USP1: variants seen among roughly 807,000 people sequenced by gnomAD.
The protein encoded by USP1 is ubiquitin carboxyl-terminal hydrolase 1.
In USP1, 18 loss-of-function variants were observed where a neutral mutation model predicts 72.2. The ratio of observed to expected loss-of-function variants is 0.25; its 90% confidence interval spans 0.17 to 0.37. The LOEUF is 0.37. USP1 is among the 10% of genes least tolerant of loss of function. The pLI is 1.00. For missense variants in USP1, 759 were observed against 884.9 expected (o/e 0.86, Z 1.81); for synonymous variants, 354 against 303.7 (o/e 1.17, Z -1.72).
intron 5 of USP1, 131 bp from the exon 6 acceptor site, chr1:62,444,604 GTGC>G (rs1645156964): frequency 1.4e-6 from 1 of 690,860 alleles, no homozygotes; most frequent in African/African-American, 1.9e-5. Context: ...TTCCAAATTA[GTGC>G]TGAATAAATG....
At position 62,441,551 on chromosome 1, in the gene USP1, A is replaced by G. The variant is rs753043669; in HGVS notation, c.234A>G (p.Leu78=). The G allele has an allele frequency of 5.6e-6, 9 of 1,613,716 alleles. No individual in the cohort carries two copies. The Middle Eastern group carries it at 6.6e-4, about 118-fold the overall frequency. ...ACTGTGAGAAGAGAGAAAACTTGTTACCATTTGTGGGACTGAATAATCTCG... is the reference window on the plus strand; with the variant it reads ...ACTGTGAGAAGAGAGAAAACTTGTTGCCATTTGTGGGACTGAATAATCTCG... The part of the protein sequence containing the change: ...PINCEKRENL[L]PFVGLNNLGN... Residue 78 remains leucine, a synonymous_variant, in exon 3 of 9, where the codon TTA becomes TTG. Coordinates refer to ENST00000339950, the MANE Select transcript of USP1 (RefSeq NM_003368.5).
chr1:62,448,948 C>T (rs1001300706), intron 8 of USP1, among the ~76,000 whole-genome samples: 1 of 152,014 alleles, frequency 6.6e-6, no homozygotes, highest in Non-Finnish European at 1.5e-5. Flanking sequence ...AGTGGCACAG[C>T]CTCAGCTCAC....
chr1:62,441,946 G>C (rs1045692010), intron 3 of USP1, among the ~76,000 whole-genome samples: 1 of 152,086 alleles, frequency 6.6e-6, no homozygotes, highest in Non-Finnish European at 1.5e-5. Flanking sequence ...GTCCGTTGGC[G>C]CTGTGTTGTG....
At chr1:62,445,824 C>G (rs1205075510) in intron 6 of USP1, among the ~76,000 whole-genome samples, 2 of 151,974 alleles carry the variant, frequency 1.3e-5, no homozygotes, top group African/African-American at 4.8e-5. Context: ...ACTAAAAATG[C>G]AAAAATTAGC....
rs1645213361 is a variant in USP1, at chr1:62,451,063, C to G, written c.*82C>G. 3 of 1,355,418 alleles carry G rather than the reference C, an allele frequency of 2.2e-6. No individual in the cohort carries two copies. The Admixed American group carries it at 7.9e-5, about 36-fold the overall frequency. The allele number at this position is 1,355,418 out of a possible 1,614,324, so 84.0% of individuals were successfully genotyped here. Reference sequence around the variant, plus strand: ...GTTGATTACATCAAAGAATCTTTAGCTTATCTTTTGAAGCTACTGGATATT... The same window carrying G: ...GTTGATTACATCAAAGAATCTTTAGGTTATCTTTTGAAGCTACTGGATATT... On this transcript the variant is annotated 3_prime_UTR_variant, in exon 9 of 9. Transcript: ENST00000339950.
rs1471312388 is a variant in USP1 at position 62,447,396 on chromosome 1, A to G, written c.1305A>G (p.Val435=). 1.2e-6 allele frequency: 2 copies of G among 1,614,088 alleles called. No homozygotes were observed. The highest frequency in any genetic ancestry group is 2.2e-5 in the East Asian group (1 of 44,860). ...AGAAATTATTTCAAGGTCAGCTGGT[A>G]TTAAGGACGCGTTGCTTGGAATGTG... is the stretch of plus-strand genomic sequence containing the variant. ...LVEKLFQGQL[V]LRTRCLECES... is the part of the protein sequence containing the mutation. Residue 435 remains valine (V), a synonymous_variant, in exon 7 of 9, where the codon GTA becomes GTG. Transcript: ENST00000339950.
chr1:62,450,542 A>G lies in USP1; in HGVS notation c.1919A>G (p.Asn640Ser). The change falls in exon 9 of 9, where the codon AAT becomes AGT. Residue 640 changes from asparagine (N) to serine (S), a missense_variant. Asn to Ser is a conservative substitution (Grantham distance 46). This residue lies in a region of USP1 where 159 missense variants were observed against 140.9 expected (regional missense o/e 1.13). Coordinates refer to ENST00000339950, the MANE Select transcript of USP1 (RefSeq NM_003368.5). Reference protein sequence around the residue: ...EEARGVVENYNDEEVSIRVGG... With the variant: ...EEARGVVENYSDEEVSIRVGG... ...GCAAGGGGTGTGGTTGAGAATTATA[A>G]TGATGAAGAAGTGTCAATTAGAGTT... is the stretch of plus-strand genomic sequence containing the variant. 2 of 1,613,974 alleles carry G rather than the reference A, an allele frequency of 1.2e-6. No individual in the cohort carries two copies. Among genetic ancestry groups the G allele is most frequent in the Middle Eastern group, 1.7e-4 (1 of 6,058 alleles).
chr1:62,438,624 C>T (rs12029068), intron 1 of USP1, among the ~76,000 whole-genome samples: 63,656 of 151,988 alleles, frequency 0.42, 15,053 homozygotes, highest in African/African-American at 0.65. Context: ...TATGGTAATA[C>T]TCTAGTCAGA....
intron 4 of USP1, 37 bp from the exon 5 acceptor site, chr1:62,443,122 C>T (rs1432475026): frequency 1.3e-6 from 2 of 1,584,786 alleles, no homozygotes; most frequent in Non-Finnish European, 1.7e-6. Context: ...TTAATTTGTT[C>T]ATAAAATTAT....
chr1:62,439,006 G>A lies in USP1; in HGVS notation c.-69-793G>A, dbSNP rs1645113319. ...TTGAATGCAAATTATTCTTTAATAA[G>A]CTTTTTAGGTACTTTATTTTCATAT... On this transcript the variant is annotated intron_variant, in intron 1 of 8. Transcript: ENST00000339950. Among the ~76,000 whole-genome samples, 4 of 152,130 alleles carry A rather than the reference G, an allele frequency of 2.6e-5. No individual in the cohort carries two copies. In the South Asian group the frequency reaches 8.3e-4, roughly 32 times the overall value.
At position 62,451,206 on chromosome 1, in the gene USP1, A is replaced by G. The variant is rs1571142510; in HGVS notation, c.*225A>G. 2 of 388,770 alleles carry G rather than the reference A, an allele frequency of 5.1e-6. No individual in the cohort carries two copies. Among genetic ancestry groups the G allele is most frequent in the East Asian group, 4.2e-5 (1 of 23,686 alleles). The allele number at this position is 388,770 out of a possible 1,614,324, so 24.1% of individuals were successfully genotyped here. A position where few individuals can be genotyped will look rare whatever the true frequency, so the allele number is the denominator to read the frequency against. On this transcript the variant is annotated 3_prime_UTR_variant, in exon 9 of 9. Coordinates refer to ENST00000339950, the MANE Select transcript of USP1 (RefSeq NM_003368.5). ...GTGATGCATTAGCTTCTGGGAACAA[A>G]CTTGTATCGGTTCTTAATTAAATTA...
In USP1 at chr1:62,447,497, A is replaced by G. The variant is rs774825659; in HGVS notation, c.1406A>G (p.Glu469Gly). Reference sequence around the variant, plus strand: ...CAAGAAGATGAGCTTTCCAAAGTAGAGGAGAGTTCTGAAAGTAAGCAAAAT... The same window carrying G: ...CAAGAAGATGAGCTTTCCAAAGTAGGGGAGAGTTCTGAAAGTAAGCAAAAT... ...PVQEDELSKVEESSEISPEPK... is the reference protein window; with the variant it reads ...PVQEDELSKVGESSEISPEPK... Residue 469 changes from glutamate (E) to glycine (G), a missense_variant, in exon 7 of 9, where the codon GAG becomes GGG. Coordinates refer to ENST00000339950, the MANE Select transcript of USP1 (RefSeq NM_003368.5). 3.7e-6 allele frequency: 6 copies of G among 1,612,728 alleles called. No individual in the cohort carries two copies. The South Asian group carries it at 6.6e-5, about 18-fold the overall frequency.
Position 62,441,479 on chromosome 1 carries a change from A to G in USP1, c.171-9A>G, listed in dbSNP as rs373882162. 2 of 1,598,018 alleles carry G rather than the reference A, an allele frequency of 1.3e-6. No individual in the cohort carries two copies. Among genetic ancestry groups the G allele is most frequent in the Non-Finnish European group, 1.7e-6 (2 of 1,174,966 alleles). On this transcript the variant is annotated splice_polypyrimidine_tract_variant and intron_variant, in intron 2 of 8. Coordinates refer to ENST00000339950, the MANE Select transcript of USP1 (RefSeq NM_003368.5). ...AACTACTTATCGTTCTCCCTTCTATATTTCATAGTGATCAAGTTGTTCCTG... is the reference window on the plus strand; with the variant it reads ...AACTACTTATCGTTCTCCCTTCTATGTTTCATAGTGATCAAGTTGTTCCTG...
At chr1:62,439,655 T>C (rs1645118582) in intron 1 of USP1, 144 bp from the exon 2 acceptor site, 1 of 415,694 alleles carries the variant, frequency 2.4e-6, no homozygotes, top group Non-Finnish European at 4.2e-6. Flanking sequence ...CAATAAATAT[T>C]GAGTGCTTAT....
chr1:62,450,913 C>A lies in USP1; in HGVS notation c.2290C>A (p.Leu764Met). The A allele has an allele frequency of 1.2e-6, 2 of 1,613,550 alleles. No individual in the cohort carries two copies. The highest frequency in any genetic ancestry group is 1.7e-6 in the Non-Finnish European group (2 of 1,179,830). Residue 764 changes from leucine (L) to methionine (M), a missense_variant, in exon 9 of 9, where the codon CTG becomes ATG. Physicochemically the swap from Leu to Met is conservative, Grantham distance 15. This residue lies in a region of USP1 where 22 missense variants were observed against 23.4 expected (regional missense o/e 0.94). Transcript: ENST00000339950. ...CAAAGTTACTGAAGAGAAGGACTTT[C>A]TGAATTCTCTTTCCCCTTCTACATC... ...EVKVTEEKDF[L>M]NSLSPSTSPT...
chr1:62,443,443 C>T, intron 5 of USP1, 124 bp downstream of exon 5: 1 of 988,056 alleles, frequency 1.0e-6, no homozygotes, highest in Non-Finnish European at 1.4e-6. Context: ...GTCCACAGTC[C>T]TTTATATCCC....
At position 62,440,711 on chromosome 1, in the gene USP1, TTTTG is replaced by T. The variant is rs760350663; in HGVS notation, c.170+678_170+681del. 2.0e-4 allele frequency among the ~76,000 whole-genome samples: 30 copies of T among 152,306 alleles called. No individual in the cohort carries two copies. The East Asian group carries it at 4.8e-3, about 25-fold the overall frequency. On this transcript the variant is annotated intron_variant, in intron 2 of 8. Coordinates refer to ENST00000339950, the MANE Select transcript of USP1 (RefSeq NM_003368.5). ...TTGAGGAGATTTGTGAGAGTGAAGC[TTTTG>T]TTTATCAGCATTCATACTTCTGAAT...
intron 8 of USP1, among the ~76,000 whole-genome samples, chr1:62,449,767 T>G (rs1645200708): frequency 6.6e-6 from 1 of 151,672 alleles, no homozygotes; most frequent in Non-Finnish European, 1.5e-5. Context: ...CACAAACTAG[T>G]TTGGCGTGGT....
upstream of USP1, chr1:62,437,031 G>T (rs530890312): frequency 5.1e-4 from 202 of 398,362 alleles, no homozygotes; most frequent in Non-Finnish European, 7.7e-4. Context: ...GCTAAAACAC[G>T]GGGGTCCTGA....
Sources: gnomAD v4.1 joint callset for allele counts (sites outside exome capture counted in the v4.1 genomes callset) on GRCh38, gnomAD v4.1.1 for gene constraint, gnomAD v4.1.1 regional missense constraint, MANE v1.5 for transcripts, NCBI Gene and HGNC (gene_info 2026-07-23, HGNC 2026-07-21) for gene names.